CSGALNACT1: variants seen among roughly 807,000 people sequenced by gnomAD.
CSGALNACT1 encodes chondroitin sulfate N-acetylgalactosaminyltransferase 1.
CSGALNACT1 carries 52 observed loss-of-function variants against 51.0 expected under a neutral mutation model. The observed-to-expected ratio is 1.02, with a 90% CI of 0.82 to 1.29. CSGALNACT1 has a LOEUF of 1.29. Among genes scored for constraint, CSGALNACT1 ranks in the 50% most tolerant of loss-of-function variants. The pLI is 0.00. For missense variants in CSGALNACT1, 935 were observed against 679.2 expected, an observed-to-expected ratio of 1.38 and a Z score of -4.19; for synonymous variants, 341 against 254.4, an observed-to-expected ratio of 1.34 and a Z score of -3.24.
At chr8:19,682,337 A>T (rs2060681146) in intron 1 of CSGALNACT1, 2 of 294,676 alleles carry the variant, frequency 6.8e-6, no homozygotes, top group African/African-American at 2.2e-5. Context: ...AGTGTTTGCT[A>T]ATGAGTTGGC....
intron 4 of CSGALNACT1, among the ~76,000 whole-genome samples, chr8:19,497,880 T>C (rs1188650485): frequency 6.6e-6 from 1 of 152,100 alleles, no homozygotes; most frequent in Admixed American, 6.5e-5. Flanking sequence ...AATACAGCCA[T>C]TTGTCCCTTA....
chr8:19,608,800 G>C (rs186613497), intron 1 of CSGALNACT1, among the ~76,000 whole-genome samples: 22 of 152,278 alleles, frequency 1.4e-4, no homozygotes, highest in African/African-American at 5.1e-4. Context: ...CACTGTGATA[G>C]ATGAAGAAAT....
intron 6 of CSGALNACT1, among the ~76,000 whole-genome samples, chr8:19,433,635 G>C (rs903686709): frequency 2.0e-5 from 3 of 152,140 alleles, no homozygotes; most frequent in Non-Finnish European, 4.4e-5. Context: ...CTTGTGAGTG[G>C]TGTCTTCCGA....
intron 1 of CSGALNACT1, among the ~76,000 whole-genome samples, chr8:19,717,634 C>G (rs577371736): frequency 1.3e-5 from 2 of 152,196 alleles, no homozygotes; most frequent in Non-Finnish European, 2.9e-5. Context: ...ACAGCTAATA[C>G]GCCCTATTCG....
intron 6 of CSGALNACT1, among the ~76,000 whole-genome samples, chr8:19,438,762 G>C (rs1328500137): frequency 6.6e-6 from 1 of 152,194 alleles, no homozygotes; most frequent in East Asian, 1.9e-4. Flanking sequence ...ACAAAATTTG[G>C]CCAGTGGGCT....
intron 1 of CSGALNACT1, among the ~76,000 whole-genome samples, chr8:19,729,827 T>C (rs2063593087): frequency 6.6e-6 from 1 of 151,930 alleles, no homozygotes; most frequent in Non-Finnish European, 1.5e-5. Flanking sequence ...TCCACAGCAG[T>C]TAGAAGGAAG....
intron 3 of CSGALNACT1, among the ~76,000 whole-genome samples, chr8:19,589,875 A>C (rs2047427666): frequency 6.6e-6 from 1 of 152,242 alleles, no homozygotes; most frequent in Non-Finnish European, 1.5e-5. Flanking sequence ...CAGTTTGTGG[A>C]AAGAATATGT....
At chr8:19,535,495 A>G (rs1413330722) in intron 3 of CSGALNACT1, among the ~76,000 whole-genome samples, 2 of 152,218 alleles carry the variant, frequency 1.3e-5, no homozygotes, top group Non-Finnish European at 2.9e-5. Flanking sequence ...GACAAAATAC[A>G]CTTATATAAA....
chr8:19,435,371 T>C (rs1008897268), intron 6 of CSGALNACT1, among the ~76,000 whole-genome samples: 2 of 151,946 alleles, frequency 1.3e-5, no homozygotes, highest in Admixed American at 1.3e-4. Flanking sequence ...CGTGCGCCTA[T>C]AGTCCTAGCT....
At chr8:19,483,866 C>A (rs1418347076) in intron 4 of CSGALNACT1, among the ~76,000 whole-genome samples, 1 of 152,186 alleles carries the variant, frequency 6.6e-6, no homozygotes, top group Non-Finnish European at 1.5e-5. Flanking sequence ...CTTTAATAGA[C>A]ATATACCTCA....
At chr8:19,647,759 A>G (rs62494485) in intron 1 of CSGALNACT1, among the ~76,000 whole-genome samples, 25 of 152,242 alleles carry the variant, frequency 1.6e-4, no homozygotes, top group Non-Finnish European at 3.4e-4. Context: ...TTAGATGCTG[A>G]TACAAGCTTT....
At chr8:19,442,215 C>T (rs1355025274) in intron 5 of CSGALNACT1, among the ~76,000 whole-genome samples, 1 of 152,174 alleles carries the variant, frequency 6.6e-6, no homozygotes, top group East Asian at 1.9e-4. Context: ...CATCCCATTA[C>T]TGGATATATA....
intron 4 of CSGALNACT1, among the ~76,000 whole-genome samples, chr8:19,483,574 A>G (rs555188163): frequency 1.4e-4 from 22 of 152,280 alleles, no homozygotes; most frequent in African/African-American, 4.6e-4. Context: ...TTAGCTCAGA[A>G]TATCTTCCTC....
At chr8:19,510,964 G>T (rs996602350) in intron 3 of CSGALNACT1, among the ~76,000 whole-genome samples, 1 of 152,202 alleles carries the variant, frequency 6.6e-6, no homozygotes, top group Non-Finnish European at 1.5e-5. Flanking sequence ...ATTTCACTCT[G>T]CAGATTTCAG....
intron 8 of CSGALNACT1, among the ~76,000 whole-genome samples, chr8:19,409,411 C>G (rs2055135232): frequency 6.6e-6 from 1 of 152,092 alleles, no homozygotes; most frequent in African/African-American, 2.4e-5. Context: ...CCAGACACTG[C>G]CCAGTCTCTT....
intron 1 of CSGALNACT1, among the ~76,000 whole-genome samples, chr8:19,657,902 T>G (rs889326077): frequency 6.6e-6 from 1 of 152,008 alleles, no homozygotes; most frequent in African/African-American, 2.4e-5. Flanking sequence ...AGGCCATTGT[T>G]AGATGGCCTG....
At position 19,470,121 on chromosome 8, in the gene CSGALNACT1, G is replaced by A. The variant is rs77075491; in HGVS notation, c.635-11479C>T. ...AGATGCAGGGACGGAGTGAGAAGGT[G>A]AGAGGTGGATGGGACCTACAACCCC... On this transcript the variant is annotated intron_variant, in intron 4 of 9. Coordinates refer to ENST00000454498, the Ensembl canonical transcript of CSGALNACT1. Among the ~76,000 whole-genome samples the A allele has an allele frequency of 7.9e-3, 1,207 of 152,272 alleles. 18 individuals carry two copies. The highest frequency in any genetic ancestry group is 0.027 in the African/African-American group (1,141 of 41,532).
chr8:19,615,134 T>C (rs2052815209), intron 1 of CSGALNACT1, among the ~76,000 whole-genome samples: 2 of 152,126 alleles, frequency 1.3e-5, no homozygotes, highest in South Asian at 2.1e-4. Flanking sequence ...TGAAACCCCA[T>C]CCCTCCTAAA....
intron 6 of CSGALNACT1, among the ~76,000 whole-genome samples, chr8:19,426,456 A>C (rs2058790276): frequency 6.6e-6 from 1 of 152,186 alleles, no homozygotes. Context: ...AAGAAATACA[A>C]TGTTTAGTGT....
Sources: gnomAD v4.1 joint callset for allele counts (sites outside exome capture counted in the v4.1 genomes callset) on GRCh38, gnomAD v4.1.1 for gene constraint, MANE v1.5 for transcripts, NCBI Gene and HGNC (gene_info 2026-07-23, HGNC 2026-07-21) for gene names.